The following RAB40C variants were observed in gnomAD, a reference collection of about 807,000 sequenced individuals.
The protein encoded by RAB40C is ras-related protein Rab-40C.
In RAB40C, 8 loss-of-function variants were observed where a neutral mutation model predicts 28.1. The ratio of observed to expected loss-of-function variants is 0.28; its 90% confidence interval spans 0.17 to 0.51. The LOEUF (loss-of-function observed/expected upper bound fraction) is 0.51. Among genes scored for constraint, RAB40C ranks in the 20% least tolerant of loss-of-function variants. The pLI, the probability that RAB40C is intolerant of heterozygous loss-of-function variation, is 0.97. For synonymous variants in RAB40C, 201 were observed against 171.7 expected (o/e 1.17, Z -1.34); for missense variants, 288 against 405.9 (o/e 0.71, Z 2.50).
chr16:599,312 T>C (rs894525229), intron 1 of RAB40C, among the ~76,000 whole-genome samples: 24 of 152,368 alleles, frequency 1.6e-4, no homozygotes, highest in African/African-American at 5.0e-4. Flanking sequence ...GTCAGGCTGA[T>C]GCCTGCCCGT....
At chr16:625,121 G>T in intron 3 of RAB40C, 1 of 1,336,866 alleles carries the variant, frequency 7.5e-7, no homozygotes, top group Non-Finnish European at 9.8e-7. Flanking sequence ...TCCCCCGGCT[G>T]CCAGAACCCC....
chr16:600,575 AC>A (rs1567185569), intron 1 of RAB40C, among the ~76,000 whole-genome samples: 1 of 152,004 alleles, frequency 6.6e-6, no homozygotes, highest in Non-Finnish European at 1.5e-5. Context: ...ACATGGTGAA[AC>A]CCCGTCTCTA....
chr16:625,131 C>T (rs912495066), intron 3 of RAB40C: 13 of 1,348,134 alleles, frequency 9.6e-6, no homozygotes, highest in Non-Finnish European at 1.1e-5. Context: ...GCCAGAACCC[C>T]GCATCTGCCT....
chr16:589,902 G>C (rs1358607016), upstream of RAB40C, among the ~76,000 whole-genome samples: 2 of 151,986 alleles, frequency 1.3e-5, no homozygotes, highest in African/African-American at 4.8e-5. Context: ...GGTGACTACG[G>C]GAAGGCAGGG....
intron 1 of RAB40C, among the ~76,000 whole-genome samples, chr16:609,128 A>G (rs1265037941): frequency 1.3e-5 from 2 of 152,218 alleles, no homozygotes; most frequent in African/African-American, 4.8e-5. Flanking sequence ...AAATAAAAAT[A>G]AAAACGTGGA....
At chr16:615,020 T>C (rs2036558964) in intron 1 of RAB40C, among the ~76,000 whole-genome samples, 1 of 152,246 alleles carries the variant, frequency 6.6e-6, no homozygotes, top group South Asian at 2.1e-4. Flanking sequence ...GGCACAACCA[T>C]TGTTCCTTCT....
intron 2 of RAB40C, among the ~76,000 whole-genome samples, chr16:617,903 A>C (rs993352737): frequency 9.9e-5 from 15 of 151,888 alleles, no homozygotes; most frequent in South Asian, 2.1e-4. Context: ...GTGAATGTCC[A>C]CAGGGTTGGG....
intron 1 of RAB40C, among the ~76,000 whole-genome samples, chr16:593,671 A>G (rs2151057943): frequency 6.6e-6 from 1 of 152,326 alleles, no homozygotes; most frequent in East Asian, 1.9e-4. Flanking sequence ...CCTTTTTCTT[A>G]GTACTGGCAC....
Position 628,029 on chromosome 16 carries a change from G to C in RAB40C, c.*407G>C, listed in dbSNP as rs996909443. ...GTGACTTCATGGCCACGCCAGCTGC[G>C]GGGACGCACTTGGGACTCCTCGAGA... is the stretch of plus-strand genomic sequence containing the variant. On this transcript the variant is annotated 3_prime_UTR_variant, in exon 6 of 6. Coordinates refer to ENST00000248139, the MANE Select transcript of RAB40C (RefSeq NM_021168.5). 1 of 176,480 alleles carries C rather than the reference G, an allele frequency of 5.7e-6. No individual in the cohort carries two copies. Among genetic ancestry groups the C allele is most frequent in the African/African-American group, 2.4e-5 (1 of 42,498 alleles). 10.9% of individuals were successfully genotyped at this position (176,480 alleles called of 1,614,324 possible).
intron 1 of RAB40C, among the ~76,000 whole-genome samples, chr16:595,672 G>A (rs1312485342): frequency 6.7e-6 from 1 of 149,646 alleles, no homozygotes; most frequent in Non-Finnish European, 1.5e-5. Context: ...GCACGGTCTC[G>A]GCTCACTGCA....
chr16:590,885 G>A (rs1714254373), intron 1 of RAB40C, among the ~76,000 whole-genome samples: 1 of 150,560 alleles, frequency 6.6e-6, no homozygotes, highest in Admixed American at 6.6e-5. Flanking sequence ...AGGTGTCATG[G>A]GTGCAGGATC....
At chr16:623,420 T>C (rs762463524) in intron 3 of RAB40C, among the ~76,000 whole-genome samples, 8 of 145,696 alleles carry the variant, frequency 5.5e-5, no homozygotes, top group East Asian at 2.1e-4. Context: ...GAGGCCGAGG[T>C]GGGCAGATCG....
In RAB40C at chr16:627,719, CCA is replaced by C; in HGVS notation, c.*102_*103del. 1 of 1,379,348 alleles carries C rather than the reference CCA, an allele frequency of 7.2e-7. No homozygotes were observed. The highest frequency in any genetic ancestry group is 1.5e-5 in the African/African-American group (1 of 68,704). The allele number at this position is 1,379,348 out of a possible 1,614,324, so 85.4% of individuals were successfully genotyped here. On this transcript the variant is annotated 3_prime_UTR_variant, in exon 6 of 6. Coordinates refer to ENST00000248139, the MANE Select transcript of RAB40C (RefSeq NM_021168.5). Reference sequence around the variant, plus strand: ...CCAGTGCCGCCTACGTGGAGACTGTCCACACAGCTGCCTCAGAAGCGCCGGGC... The same window carrying C: ...CCAGTGCCGCCTACGTGGAGACTGTCCACAGCTGCCTCAGAAGCGCCGGGC...
At chr16:625,668 T>A in intron 4 of RAB40C, 159 bp downstream of exon 4, 1 of 896,486 alleles carries the variant, frequency 1.1e-6, no homozygotes, top group Non-Finnish European at 1.7e-6. Context: ...CTGGTCACTG[T>A]GCACACGACA....
At chr16:615,348 G>C (rs948495764) in intron 1 of RAB40C, among the ~76,000 whole-genome samples, 1 of 152,210 alleles carries the variant, frequency 6.6e-6, no homozygotes, top group Non-Finnish European at 1.5e-5. Flanking sequence ...GGCTGGGCCC[G>C]CACGGAGAGA....
In RAB40C at chr16:618,244, A is replaced by T; in HGVS notation, c.248A>T (p.Tyr83Phe). The T allele has an allele frequency of 6.2e-7, 1 of 1,613,102 alleles. No individual in the cohort carries two copies. Residue 83 changes from tyrosine to phenylalanine, a missense_variant, in exon 3 of 6, where the codon TAC becomes TTC. Tyr to Phe is a conservative substitution (Grantham distance 22). Coordinates refer to ENST00000248139, the MANE Select transcript of RAB40C (RefSeq NM_021168.5). ...QGRFCTIFRS[Y>F]SRGAQGILLV... ...CGGTTCTGCACCATCTTCAGGTCCTACTCCAGGGGCGCTCAGGTAAGACCA... is the reference window on the plus strand; with the variant it reads ...CGGTTCTGCACCATCTTCAGGTCCTTCTCCAGGGGCGCTCAGGTAAGACCA...
rs959883613 is a variant in RAB40C at position 627,857 on chromosome 16, A to C, written c.*235A>C. On this transcript the variant is annotated 3_prime_UTR_variant, in exon 6 of 6. Transcript: ENST00000248139. ...GGTGCTTCCGGGAATCTTGGTCGGA[A>C]ACAAGCCGGGCCTCCCCAGCTGCCT... 4.2e-6 allele frequency: 2 copies of C among 474,336 alleles called. No individual in the cohort carries two copies. Among genetic ancestry groups the C allele is most frequent in the Non-Finnish European group, 7.2e-6 (2 of 277,736 alleles). The allele number at this position is 474,336 out of a possible 1,614,324, so 29.4% of individuals were successfully genotyped here.
chr16:602,214 G>A (rs138456803), intron 1 of RAB40C, among the ~76,000 whole-genome samples: 210 of 150,662 alleles, frequency 1.4e-3, no homozygotes, highest in African/African-American at 4.6e-3. Flanking sequence ...ATTGTGGAAT[G>A]AAATATATGA....
intron 1 of RAB40C, chr16:596,498 AG>A (rs2151060225): frequency 2.9e-6 from 1 of 339,288 alleles, no homozygotes; most frequent in East Asian, 8.6e-5. Flanking sequence ...GGGCCACGTC[AG>A]CCAGGGTGTC....
Sources: allele counts gnomAD v4.1 joint callset (sites outside exome capture counted in the v4.1 genomes callset), GRCh38; gene constraint gnomAD v4.1.1; transcripts MANE v1.5; gene names NCBI Gene and HGNC (gene_info 2026-07-23, HGNC 2026-07-21).